Variants in DNAH3 observed in about 807,000 individuals in gnomAD.
The protein encoded by DNAH3 is dynein axonemal heavy chain 3.
DNAH3 carries 332 observed loss-of-function variants against 432.5 expected under a neutral mutation model. The observed-to-expected ratio is 0.77, with a 90% CI of 0.70 to 0.84. DNAH3 has a LOEUF of 0.84. DNAH3 is among the 40% of genes least tolerant of loss of function. The pLI is 0.00. For missense variants in DNAH3, 4,861 were observed against 5,114.0 expected, an observed-to-expected ratio of 0.95 and a Z score of 1.51; for synonymous variants, 1,956 against 1,900.2, an observed-to-expected ratio of 1.03 and a Z score of -0.76.
intron 9 of DNAH3, among the ~76,000 whole-genome samples, chr16:21,123,372 A>C (rs1243100523): frequency 6.6e-6 from 1 of 152,206 alleles, no homozygotes; most frequent in African/African-American, 2.4e-5. Flanking sequence ...TATTTGGTGA[A>C]TACCTACTGT....
At chr16:20,959,649 ACACACACC>A (rs1394569174) in intron 53 of DNAH3, among the ~76,000 whole-genome samples, 30 of 145,676 alleles carry the variant, frequency 2.1e-4, no homozygotes, top group Admixed American at 1.8e-3. Flanking sequence ...ACACACACAC[ACACACACC>A]CCAACACAAA....
At chr16:21,015,009 T>C (rs2087791242) in intron 41 of DNAH3, among the ~76,000 whole-genome samples, 1 of 152,212 alleles carries the variant, frequency 6.6e-6, no homozygotes. Flanking sequence ...AAATCTGTTC[T>C]TCTTGACTTG....
intron 36 of DNAH3, among the ~76,000 whole-genome samples, chr16:21,032,214 C>A (rs1490849755): frequency 6.6e-6 from 1 of 152,064 alleles, no homozygotes; most frequent in Non-Finnish European, 1.5e-5. Flanking sequence ...AAGAACAGAT[C>A]AGAACCTTGG....
At chr16:20,975,279 T>C (rs751371998) in exon 51 of DNAH3, 2 of 1,614,130 alleles carry the variant, frequency 1.2e-6, no homozygotes, top group Non-Finnish European at 1.7e-6. Flanking sequence ...TTCTTTTTCA[T>C]CTGCCTGCAC....
chr16:21,121,094 A>C, intron 10 of DNAH3: 1 of 627,712 alleles, frequency 1.6e-6, no homozygotes, highest in Non-Finnish European at 3.0e-6. Flanking sequence ...TGAAGCATAC[A>C]TAATGCATGG....
chr16:21,061,799 T>C lies in DNAH3; in HGVS notation c.3720+683A>G, dbSNP rs181545456. Among the ~76,000 whole-genome samples, 690 of 152,322 alleles carry C rather than the reference T, an allele frequency of 4.5e-3. 1 individual carries two copies. The highest frequency in any genetic ancestry group is 0.016 in the African/African-American group (655 of 41,568). On this transcript the variant is annotated intron_variant, in intron 25 of 61. Transcript: ENST00000261383. The stretch of plus-strand genomic sequence containing the variant: ...CATTTGGATTTTGATCAAAACTCCA[T>C]AGGGAAATTCAAATATGCCCCAAAT...
intron 16 of DNAH3, 43 bp from the exon 17 acceptor site, chr16:21,098,812 T>C: frequency 6.3e-7 from 1 of 1,586,602 alleles, no homozygotes; most frequent in Non-Finnish European, 8.5e-7. Context: ...CTTTGCATTT[T>C]GTGCACTTTC....
chr16:20,975,298 T>C, exon 51 of DNAH3: 1 of 1,614,170 alleles, frequency 6.2e-7, no homozygotes, highest in Non-Finnish European at 8.5e-7. Context: ...ACCAGAAGTT[T>C]CTTTCCATCA....
chr16:21,052,235 G>A (rs989114259), intron 28 of DNAH3, among the ~76,000 whole-genome samples: 4 of 152,130 alleles, frequency 2.6e-5, no homozygotes, highest in Non-Finnish European at 4.4e-5. Context: ...CAAGTGATCC[G>A]CCTGCCTCGG....
chr16:20,980,327 C>CA (rs2085835102), intron 49 of DNAH3, among the ~76,000 whole-genome samples: 1 of 98,616 alleles, frequency 1.0e-5, no homozygotes, highest in Admixed American at 1.2e-4. Flanking sequence ...ATAATATATA[C>CA]TATATTATAT....
At chr16:21,029,764 A>G (rs906547789) in intron 37 of DNAH3, among the ~76,000 whole-genome samples, 15 of 151,928 alleles carry the variant, frequency 9.9e-5, no homozygotes, top group Non-Finnish European at 2.1e-4. Flanking sequence ...ATCAGTTTGG[A>G]CTCCTAACTC....
chr16:21,027,404 TTAG>T (rs939461109), intron 37 of DNAH3, among the ~76,000 whole-genome samples: 3 of 151,086 alleles, frequency 2.0e-5, no homozygotes, highest in African/African-American at 7.3e-5. Flanking sequence ...GGAGAAAAAT[TTAG>T]TAGAAGAGGG....
At chr16:20,977,971 T>C (rs1009252365) in intron 50 of DNAH3, among the ~76,000 whole-genome samples, 22 of 152,310 alleles carry the variant, frequency 1.4e-4, no homozygotes, top group African/African-American at 5.1e-4. Context: ...CTCCCATCCC[T>C]GCATTGCAGT....
intron 51 of DNAH3, among the ~76,000 whole-genome samples, chr16:20,970,862 T>TC (rs1567553977): frequency 1.4e-5 from 2 of 141,742 alleles, no homozygotes; most frequent in Non-Finnish European, 3.0e-5. Context: ...TTTTCTCTAT[T>TC]CTTTTTTTTT....
At chr16:21,103,996 A>T (rs1472352113) in intron 16 of DNAH3, 1 of 161,974 alleles carries the variant, frequency 6.2e-6, no homozygotes, top group African/African-American at 2.4e-5. Flanking sequence ...ATAAATACCA[A>T]CTGAATTGAC....
intron 5 of DNAH3, 46 bp downstream of exon 6, chr16:21,140,490 G>A (rs746316177): frequency 6.3e-7 from 1 of 1,583,412 alleles, no homozygotes; most frequent in East Asian, 2.2e-5. Flanking sequence ...GAGATGCCGA[G>A]AGTAACCCTC....
chr16:20,940,344 G>C (rs1281135106), intron 59 of DNAH3, among the ~76,000 whole-genome samples: 2 of 151,820 alleles, frequency 1.3e-5, no homozygotes, highest in African/African-American at 4.8e-5. Context: ...TTGTAGGCGT[G>C]AGTGATCATG....
At chr16:21,141,560 G>A (rs1238041196) in intron 3 of DNAH3, among the ~76,000 whole-genome samples, 188 bp from the exon 5 acceptor site, 1 of 152,324 alleles carries the variant, frequency 6.6e-6, no homozygotes, top group East Asian at 1.9e-4. Flanking sequence ...TGACCCTGAA[G>A]AACTGGCTTC....
intron 21 of DNAH3, among the ~76,000 whole-genome samples, chr16:21,072,126 G>A (rs897553675): frequency 6.6e-6 from 1 of 152,048 alleles, no homozygotes; most frequent in African/African-American, 2.4e-5. Context: ...CATAAACAAA[G>A]CTATTAGGTA....
Sources: allele counts gnomAD v4.1 joint callset (sites outside exome capture counted in the v4.1 genomes callset), GRCh38; gene constraint gnomAD v4.1.1; transcripts MANE v1.5; gene names NCBI Gene and HGNC (gene_info 2026-07-23, HGNC 2026-07-21).